The following PLAC8L1 variants were observed in gnomAD, a reference collection of about 807,000 sequenced individuals.
The protein encoded by PLAC8L1 is PLAC8 like 1.
PLAC8L1 carries 13 observed loss-of-function variants against 16.3 expected under a neutral mutation model. That is an observed-to-expected ratio of 0.80 (90% CI 0.52 to 1.27). PLAC8L1 has a LOEUF of 1.27. Among genes scored for constraint, PLAC8L1 ranks in the 50% most tolerant of loss-of-function variants. The probability of loss-of-function intolerance (pLI) is 0.00; values close to 1 mark genes in which losing one functional copy is unlikely to be tolerated. For synonymous variants in PLAC8L1, 78 were observed against 79.3 expected (o/e 0.98, Z 0.09); for missense variants, 184 against 220.2 (o/e 0.84, Z 1.04).
At chr5:146,093,471 T>C (rs1763657289) in intron 2 of PLAC8L1, among the ~76,000 whole-genome samples, 1 of 152,206 alleles carries the variant, frequency 6.6e-6, no homozygotes, top group African/African-American at 2.4e-5. Flanking sequence ...GCCACGCACG[T>C]TGCAGAGGGG....
In PLAC8L1 at chr5:146,090,256, G is replaced by A. The variant is rs149423851; in HGVS notation, c.257-4659C>T. ...TAGAATATATAAAGAACTCTTGGCC[G>A]GGCACAGTGGCTCATGCCTGTAATC... is the stretch of plus-strand genomic sequence containing the variant. On this transcript the variant is annotated intron_variant, in intron 2 of 3. Coordinates refer to ENST00000311450, the MANE Select transcript of PLAC8L1 (RefSeq NM_001029869.3). Among the ~76,000 whole-genome samples, 392 of 152,150 alleles carry A rather than the reference G, an allele frequency of 2.6e-3. 3 individuals carry two copies. The highest frequency in any genetic ancestry group is 9.0e-3 in the African/African-American group (373 of 41,516).
rs35652702 is a variant in PLAC8L1, at chr5:146,105,178, T to G, written c.-867A>C. On this transcript the variant is annotated 5_prime_UTR_variant, in exon 1 of 4. An upstream open reading frame in the 5' UTR loses its in-frame stop. Coordinates refer to ENST00000311450, the MANE Select transcript of PLAC8L1 (RefSeq NM_001029869.3). Reference sequence around the variant, plus strand: ...GGGCTCTGCAATCATAATTTGACATTACATTAGAAAGACATCAGGAGGATA... The same window carrying G: ...GGGCTCTGCAATCATAATTTGACATGACATTAGAAAGACATCAGGAGGATA... 0.22 allele frequency among the ~76,000 whole-genome samples: 33,881 copies of G among 152,116 alleles called. 4,829 individuals carry two copies. Among genetic ancestry groups the G allele is most frequent in the Admixed American group, 0.34 (5,125 of 15,278 alleles).
intron 2 of PLAC8L1, among the ~76,000 whole-genome samples, chr5:146,094,048 GT>G (rs1274997037): frequency 6.6e-6 from 1 of 152,004 alleles, no homozygotes; most frequent in Non-Finnish European, 1.5e-5. Context: ...CAATTATTTT[GT>G]TTATAGATTT....
In PLAC8L1 at chr5:146,088,341, A is replaced by C. The variant is rs556848131; in HGVS notation, c.257-2744T>G. ...TATTTTAGTTACTCTTGTGAGTGTGAAGTAGCCACCATTGTCTTTTAGTGC... is the reference window on the plus strand; with the variant it reads ...TATTTTAGTTACTCTTGTGAGTGTGCAGTAGCCACCATTGTCTTTTAGTGC... On this transcript the variant is annotated intron_variant, in intron 2 of 3. Coordinates refer to ENST00000311450, the MANE Select transcript of PLAC8L1 (RefSeq NM_001029869.3). Among the ~76,000 whole-genome samples, 3 of 152,322 alleles carry C rather than the reference A, an allele frequency of 2.0e-5. No individual in the cohort carries two copies. In the East Asian group the frequency reaches 5.8e-4, roughly 29 times the overall value.
intron 2 of PLAC8L1, among the ~76,000 whole-genome samples, chr5:146,093,748 G>A (rs1395430823): frequency 6.6e-6 from 1 of 152,196 alleles, no homozygotes; most frequent in Non-Finnish European, 1.5e-5. Context: ...ATGAATCCCA[G>A]TCCAATGCCT....
chr5:146,087,357 T>C (rs1426693400), intron 2 of PLAC8L1, among the ~76,000 whole-genome samples: 1 of 152,202 alleles, frequency 6.6e-6, no homozygotes, highest in Non-Finnish European at 1.5e-5. Context: ...CACAGGCGTA[T>C]GTTTTTATTT....
intron 1 of PLAC8L1, chr5:146,103,929 A>C: frequency 1.0e-6 from 1 of 985,456 alleles, no homozygotes. Flanking sequence ...GTCTCTAAAA[A>C]TAAAGTTCCA....
intron 1 of PLAC8L1, among the ~76,000 whole-genome samples, chr5:146,100,876 T>C (rs1010015418): frequency 6.6e-6 from 1 of 152,064 alleles, no homozygotes; most frequent in African/African-American, 2.4e-5. Flanking sequence ...TTAAGTGAAG[T>C]TGTAGGGGTG....
chr5:146,099,658 CAAAAAAA>C (rs10581890), intron 1 of PLAC8L1, among the ~76,000 whole-genome samples: 4 of 88,752 alleles, frequency 4.5e-5, no homozygotes, highest in Non-Finnish European at 8.5e-5. Flanking sequence ...GACTCCGTCT[CAAAAAAA>C]AAAAAAAAAA....
chr5:146,089,919 A>G (rs1197330511), intron 2 of PLAC8L1, among the ~76,000 whole-genome samples: 2 of 151,632 alleles, frequency 1.3e-5, no homozygotes, highest in Non-Finnish European at 2.9e-5. Context: ...TTGTATTTTT[A>G]GTATAGACAG....
intron 1 of PLAC8L1, among the ~76,000 whole-genome samples, chr5:146,101,332 G>A (rs1763814130): frequency 6.6e-6 from 1 of 152,136 alleles, no homozygotes; most frequent in African/African-American, 2.4e-5. Flanking sequence ...CAATTGGGCT[G>A]GCACTCTAAT....
At chr5:146,097,775 C>A (rs1763742065) in intron 2 of PLAC8L1, among the ~76,000 whole-genome samples, 1 of 152,122 alleles carries the variant, frequency 6.6e-6, no homozygotes, top group Admixed American at 6.5e-5. Flanking sequence ...CCTTAAACTC[C>A]TAAAAATGTA....
intron 1 of PLAC8L1, among the ~76,000 whole-genome samples, chr5:146,101,559 TCC>T (rs964044865): frequency 1.3e-5 from 2 of 152,178 alleles, no homozygotes; most frequent in African/African-American, 4.8e-5. Context: ...ATACCCACTA[TCC>T]CGCACACTAC....
intron 3 of PLAC8L1, 83 bp from the exon 4 acceptor site, chr5:146,084,655 G>A (rs1763479065): frequency 6.5e-7 from 1 of 1,530,566 alleles, no homozygotes; most frequent in South Asian, 1.3e-5. Context: ...GTTACCTCCT[G>A]GCCCTTCAAC....
chr5:146,101,447 T>C (rs539071450), intron 1 of PLAC8L1, among the ~76,000 whole-genome samples: 3 of 152,312 alleles, frequency 2.0e-5, no homozygotes, highest in African/African-American at 7.2e-5. Context: ...AAGACATCTT[T>C]GCTGATTTGA....
intron 3 of PLAC8L1, among the ~76,000 whole-genome samples, chr5:146,085,018 A>G (rs1007988687): frequency 1.2e-4 from 19 of 152,200 alleles, no homozygotes; most frequent in African/African-American, 4.6e-4. Flanking sequence ...AGTTTCTTGT[A>G]ACCACTTCCA....
At chr5:146,099,658 C>CAA (rs10581890) in intron 1 of PLAC8L1, among the ~76,000 whole-genome samples, 86 of 88,432 alleles carry the variant, frequency 9.7e-4, no homozygotes, top group African/African-American at 1.8e-3. Context: ...GACTCCGTCT[C>CAA]AAAAAAAAAA....
chr5:146,101,632 T>A (rs1240029271), intron 1 of PLAC8L1, among the ~76,000 whole-genome samples: 1 of 152,190 alleles, frequency 6.6e-6, no homozygotes, highest in Admixed American at 6.6e-5. Flanking sequence ...GATTCTCTTG[T>A]CTCTTCTGTT....
chr5:146,097,118 G>C (rs1318244713), intron 2 of PLAC8L1, among the ~76,000 whole-genome samples: 3 of 152,286 alleles, frequency 2.0e-5, no homozygotes, highest in Middle Eastern at 3.4e-3. Flanking sequence ...TCCTCCCAGA[G>C]AGACTCTGTG....
Sources: allele counts gnomAD v4.1 joint callset (sites outside exome capture counted in the v4.1 genomes callset), GRCh38; gene constraint gnomAD v4.1.1; transcripts MANE v1.5; gene names NCBI Gene and HGNC (gene_info 2026-07-23, HGNC 2026-07-21).